Variants in TBCD observed in about 807,000 individuals in gnomAD.
TBCD encodes the protein tubulin folding cofactor D, also known as tubulin-specific chaperone D.
A neutral mutation model predicts 169.3 loss-of-function variants in TBCD; 105 were observed. That is an observed-to-expected ratio of 0.62 (90% confidence interval 0.53 to 0.73). TBCD has a LOEUF of 0.73. Ranked by LOEUF, TBCD falls within the 30% of genes least tolerant of loss-of-function variation. The pLI, the probability that TBCD is intolerant of heterozygous loss-of-function variation, is 0.00. For missense variants in TBCD, 1,444 were observed against 1,600.1 expected (o/e 0.90, Z 1.66); for synonymous variants, 700 against 643.9 (o/e 1.09, Z -1.32).
At chr17:82,793,610 C>T (rs529810136) in intron 7 of TBCD, among the ~76,000 whole-genome samples, 1 of 152,348 alleles carries the variant, frequency 6.6e-6, no homozygotes, top group African/African-American at 2.4e-5. Context: ...GTTTCACTGC[C>T]CTCCAGGAAA....
Position 82,923,794 on chromosome 17 carries a change from G to T in TBCD, c.2260+61G>T. On this transcript the variant is annotated intron_variant, in intron 26 of 38. Coordinates refer to ENST00000355528, the MANE Select transcript of TBCD (RefSeq NM_005993.5). The surrounding 1 kb of genome is among the most constrained non-coding windows in gnomAD (Gnocchi z 4.6). ...GCTTCCAGCAGGAAGCTGCTGGGGA[G>T]TGTCTGGGCACGGAGGAGGCCTCGG... 1 of 1,430,736 alleles carries T rather than the reference G, an allele frequency of 7.0e-7. No individual in the cohort carries two copies. Among genetic ancestry groups the T allele is most frequent in the Non-Finnish European group, 9.6e-7 (1 of 1,046,714 alleles). 88.6% of individuals were successfully genotyped at this position (1,430,736 alleles called of 1,614,324 possible).
intron 17 of TBCD, among the ~76,000 whole-genome samples, chr17:82,897,701 C>T (rs2059584746): frequency 6.6e-6 from 1 of 152,196 alleles, no homozygotes; most frequent in Non-Finnish European, 1.5e-5. Context: ...CCAGGAGGCG[C>T]CATCCTGACT....
In TBCD at chr17:82,902,188, G is replaced by T. The variant is rs141957229; in HGVS notation, c.1731-1217G>T. 3.3e-5 allele frequency among the ~76,000 whole-genome samples: 5 copies of T among 152,302 alleles called. No homozygotes were observed. The South Asian group carries it at 6.2e-4, about 19-fold the overall frequency. On this transcript the variant is annotated intron_variant, in intron 18 of 38. Transcript: ENST00000355528. ...TTTGCGGAACGGCCCTCATTGTCTCGTGTGAGATTTCTTGCCTTAAAGTAA... is the reference window on the plus strand; with the variant it reads ...TTTGCGGAACGGCCCTCATTGTCTCTTGTGAGATTTCTTGCCTTAAAGTAA...
chr17:82,909,359 C>T (rs956283568), intron 22 of TBCD, 52 bp downstream of exon 22: 27 of 1,453,322 alleles, frequency 1.9e-5, no homozygotes, highest in African/African-American at 1.3e-4. Flanking sequence ...TGAAGAACTG[C>T]GCTGTCAGGA....
chr17:82,877,047 C>A, intron 14 of TBCD: 1 of 860,960 alleles, frequency 1.2e-6, no homozygotes, highest in Non-Finnish European at 1.4e-6. Context: ...AATCAATGTT[C>A]CACACTTTAA....
chr17:82,891,614 A>G (rs1407664085), intron 16 of TBCD, among the ~76,000 whole-genome samples: 1 of 152,250 alleles, frequency 6.6e-6, no homozygotes, highest in African/African-American at 2.4e-5. Flanking sequence ...CATAGCACAC[A>G]GGGAAGCAGC....
chr17:82,907,178 G>A (rs1206006568), intron 20 of TBCD, among the ~76,000 whole-genome samples: 3 of 152,256 alleles, frequency 2.0e-5, no homozygotes, highest in African/African-American at 7.2e-5. Flanking sequence ...CAGTGAGGGG[G>A]CCTCATGAGG....
At chr17:82,887,455 C>A (rs1399705504) in intron 15 of TBCD, among the ~76,000 whole-genome samples, 1 of 152,072 alleles carries the variant, frequency 6.6e-6, no homozygotes, top group Admixed American at 6.5e-5. Flanking sequence ...CTCTGGAGAC[C>A]CACCCCGAGC....
chr17:82,897,241 C>G (rs552793845), intron 17 of TBCD, among the ~76,000 whole-genome samples: 1 of 151,896 alleles, frequency 6.6e-6, no homozygotes, highest in African/African-American at 2.4e-5. Context: ...AGCTTTGGGC[C>G]GGGTGCGGTG....
rs2042750628 is a variant in TBCD at position 82,945,195 on chromosome 17, G to A, written c.*2732G>A. The A allele has an allele frequency of 6.6e-6, 1 of 152,254 alleles. No homozygotes were observed. The highest frequency in any genetic ancestry group is 6.5e-5 in the Admixed American group (1 of 15,292). 9.4% of individuals were successfully genotyped at this position (152,254 alleles called of 1,614,324 possible). On this transcript the variant is annotated 3_prime_UTR_variant, in exon 39 of 39. Transcript: ENST00000355528. ...AATGAAAAGCTCAATGGATAGCTTA[G>A]ACACAGCTGAAGAGAGAATTAGAAA...
intron 30 of TBCD, among the ~76,000 whole-genome samples, chr17:82,928,872 G>A (rs3785513): frequency 0.36 from 55,147 of 151,968 alleles, 11,011 homozygotes; most frequent in African/African-American, 0.54. Context: ...TAACAAGTAC[G>A]TAGCATGTAT....
At chr17:82,860,623 C>G (rs1221450497) in intron 13 of TBCD, among the ~76,000 whole-genome samples, 1 of 152,220 alleles carries the variant, frequency 6.6e-6, no homozygotes, top group Non-Finnish European at 1.5e-5. Context: ...CCAGCAGACG[C>G]CACTGGCTTT....
chr17:82,817,170 G>A (rs570340038), intron 13 of TBCD, among the ~76,000 whole-genome samples: 1 of 152,104 alleles, frequency 6.6e-6, no homozygotes, highest in Non-Finnish European at 1.5e-5. Context: ...TTGCTCCGTT[G>A]CCCAGGCTAG....
chr17:82,780,654 T>TTTC (rs1353912429), intron 6 of TBCD, among the ~76,000 whole-genome samples: 1 of 146,956 alleles, frequency 6.8e-6, no homozygotes, highest in Non-Finnish European at 1.5e-5. Context: ...GCTTTTTTTT[T>TTTC]TTTTTTTTGA....
Position 82,833,159 on chromosome 17 carries a change from A to G in TBCD, c.1318+18225A>G, listed in dbSNP as rs59241334. Among the ~76,000 whole-genome samples, 12,365 of 152,006 alleles carry G rather than the reference A, an allele frequency of 0.081. 1,300 individuals carry two copies. Among genetic ancestry groups the G allele is most frequent in the African/African-American group, 0.24 (10,030 of 41,406 alleles). On this transcript the variant is annotated intron_variant, in intron 13 of 38. Transcript: ENST00000355528. This position sits in a 1 kb window ranked among gnomAD's most constrained non-coding sequence, Gnocchi z 4.7. The stretch of plus-strand genomic sequence containing the variant: ...GGGTTTGTGGCTGTTTCCCCTTAAC[A>G]TGTACCCACAGTCACAGAGTGCCCC...
intron 5 of TBCD, among the ~76,000 whole-genome samples, chr17:82,771,634 G>T (rs1328457821): frequency 2.0e-5 from 3 of 152,126 alleles, no homozygotes; most frequent in Admixed American, 6.5e-5. Context: ...GACCAGGCTG[G>T]TCTCAAACTC....
rs1320902837 is a variant in TBCD, at chr17:82,789,472, A to C, written c.771+7751A>C. Reference sequence around the variant, plus strand: ...CCTCACCCCGCTCAGTTCTTAGATGAGGAAGAGACAGGCAGAGAGCTGGGC... The same window carrying C: ...CCTCACCCCGCTCAGTTCTTAGATGCGGAAGAGACAGGCAGAGAGCTGGGC... On this transcript the variant is annotated intron_variant, in intron 7 of 38. Transcript: ENST00000355528. This position sits in a 1 kb window ranked among gnomAD's most constrained non-coding sequence, Gnocchi z 4.8. Among the ~76,000 whole-genome samples, 2 of 152,192 alleles carry C rather than the reference A, an allele frequency of 1.3e-5. No homozygotes were observed. Among genetic ancestry groups the C allele is most frequent in the East Asian group, 3.9e-4 (2 of 5,184 alleles).
intron 5 of TBCD, among the ~76,000 whole-genome samples, chr17:82,772,101 A>C (rs1466606149): frequency 2.0e-5 from 3 of 152,162 alleles, no homozygotes; most frequent in African/African-American, 7.2e-5. Context: ...CTTGTGCTGG[A>C]AGGCATATTA....
intron 13 of TBCD, among the ~76,000 whole-genome samples, chr17:82,844,697 G>A (rs1052743008): frequency 4.6e-5 from 7 of 152,114 alleles, no homozygotes; most frequent in East Asian, 3.9e-4. Flanking sequence ...AAAATGGTCC[G>A]TTTCTGCTGT....
Sources: gnomAD v4.1 joint callset for allele counts (sites outside exome capture counted in the v4.1 genomes callset) on GRCh38, gnomAD v4.1.1 for gene constraint, Gnocchi (gnomAD v3.1) non-coding constraint, MANE v1.5 for transcripts, NCBI Gene and HGNC (gene_info 2026-07-23, HGNC 2026-07-21) for gene names.